The following SASH1 variants were observed in gnomAD, a reference collection of about 807,000 sequenced individuals.
The protein encoded by SASH1 is SAM and SH3 domain-containing protein 1.
A neutral mutation model predicts 125.2 loss-of-function variants in SASH1; 44 were observed. The observed-to-expected ratio is 0.35, with a 90% CI of 0.28 to 0.45. The LOEUF (loss-of-function observed/expected upper bound fraction) is 0.45. SASH1 is among the 20% of genes least tolerant of loss of function. The pLI, the probability that SASH1 is intolerant of heterozygous loss-of-function variation, is 1.00. For synonymous variants in SASH1, 639 were observed against 649.1 expected, an observed-to-expected ratio of 0.98 and a Z score of 0.24; for missense variants, 1,426 against 1,614.5, an observed-to-expected ratio of 0.88 and a Z score of 2.00.
chr6:148,516,453 A>G (rs1021439150), intron 9 of SASH1, among the ~76,000 whole-genome samples: 1 of 152,000 alleles, frequency 6.6e-6, no homozygotes, highest in African/African-American at 2.4e-5. Context: ...GCCCCTGTCC[A>G]TCTTGCAGAG....
chr6:148,262,813 G>C, the SASH1 span, among the ~76,000 whole-genome samples: 1 of 152,168 alleles, frequency 6.6e-6, no homozygotes, highest in Admixed American at 6.5e-5. Flanking sequence ...AACCCGGGAG[G>C]GGGAGGTTGC....
At chr6:148,344,725 A>G (rs1196422576) in intron 1 of SASH1, among the ~76,000 whole-genome samples, 4 of 151,098 alleles carry the variant, frequency 2.6e-5, no homozygotes, top group Non-Finnish European at 4.4e-5. Context: ...CCTAATGGAC[A>G]TTTTAAAGTT....
chr6:148,390,068 G>T, intron 1 of SASH1, 66 bp from the exon 2 acceptor site: 1 of 1,587,008 alleles, frequency 6.3e-7, no homozygotes, highest in South Asian at 1.1e-5. Context: ...GTAGAGGGAG[G>T]TCCGATGGCT....
intron 1 of SASH1, among the ~76,000 whole-genome samples, chr6:148,302,031 A>G (rs890846742): frequency 6.6e-6 from 1 of 151,496 alleles, no homozygotes; most frequent in Non-Finnish European, 1.5e-5. Context: ...GAAGCTAGTA[A>G]TAGGCCGGGC....
intron 2 of SASH1, among the ~76,000 whole-genome samples, chr6:148,436,984 G>C (rs760777256): frequency 2.0e-5 from 3 of 152,136 alleles, no homozygotes; most frequent in Non-Finnish European, 4.4e-5. Flanking sequence ...TGATTGTTTT[G>C]ATGAGGTTCA....
upstream of SASH1, among the ~76,000 whole-genome samples, chr6:148,267,370 T>C (rs568798704): frequency 6.8e-6 from 1 of 146,798 alleles, no homozygotes; most frequent in South Asian, 2.3e-4. Context: ...CTACTTTGTG[T>C]GTGTGTGTGT....
chr6:148,530,603 G>A (rs903213815), intron 12 of SASH1, among the ~76,000 whole-genome samples: 4 of 152,164 alleles, frequency 2.6e-5, no homozygotes, highest in African/African-American at 7.2e-5. Flanking sequence ...CTGATGACTC[G>A]GCAGCATGCA....
Position 148,273,298 on chromosome 6 carries a change from T to TTC in SASH1, n.74+922_74+923insCT, listed in dbSNP as rs1469739544. Among the ~76,000 whole-genome samples the TTC allele has an allele frequency of 5.7e-3, 839 of 146,066 alleles. 5 individuals carry two copies. Among genetic ancestry groups the TTC allele is most frequent in the Non-Finnish European group, 8.0e-3 (529 of 66,024 alleles). On this transcript the variant is annotated intron_variant and non_coding_transcript_variant, in intron 1 of 3. Coordinates refer to the SASH1 transcript ENST00000367469. ...CTTTTTTAAATTTTTCTTTCTTTCT[T>TTC]TTTTTTTTTTTTTGAGACAGAGTCT...
intron 1 of SASH1, among the ~76,000 whole-genome samples, chr6:148,329,506 C>A (rs551545770): frequency 5.9e-5 from 9 of 152,320 alleles, no homozygotes; most frequent in African/African-American, 2.2e-4. Context: ...ATGTGAGAAA[C>A]TCATTGAAGA....
intron 7 of SASH1, among the ~76,000 whole-genome samples, chr6:148,476,659 G>A (rs1017463540): frequency 2.0e-5 from 3 of 152,082 alleles, no homozygotes; most frequent in Admixed American, 6.6e-5. Context: ...CAACGTGGGC[G>A]AGAGTGAGAA....
intron 8 of SASH1, among the ~76,000 whole-genome samples, chr6:148,504,547 A>G (rs553278854): frequency 7.9e-5 from 12 of 152,072 alleles, no homozygotes; most frequent in Admixed American, 2.0e-4. Flanking sequence ...CACAAAGTCT[A>G]TCTCCCAATC....
At chr6:148,396,751 C>T (rs1041274099) in intron 2 of SASH1, among the ~76,000 whole-genome samples, 1 of 152,134 alleles carries the variant, frequency 6.6e-6, no homozygotes, top group African/African-American at 2.4e-5. Flanking sequence ...TGGAAAGAGG[C>T]TGAGGGAGTC....
chr6:148,327,037 G>A (rs1156847090), intron 1 of SASH1, among the ~76,000 whole-genome samples: 3 of 152,018 alleles, frequency 2.0e-5, no homozygotes, highest in Non-Finnish European at 4.4e-5. Flanking sequence ...CCCTTTGTAA[G>A]GGGTTCAACC....
intron 8 of SASH1, among the ~76,000 whole-genome samples, chr6:148,491,419 G>A (rs1440508103): frequency 4.6e-5 from 7 of 152,064 alleles, no homozygotes; most frequent in Non-Finnish European, 7.4e-5. Flanking sequence ...ATAGGCATGC[G>A]CCACGACGCC....
chr6:148,315,100 T>G (rs10457830), intron 1 of SASH1, among the ~76,000 whole-genome samples: 42,752 of 151,992 alleles, frequency 0.28, 6,232 homozygotes, highest in African/African-American at 0.38. Context: ...CTGCAAGCAT[T>G]TAAGGGATTA....
intron 2 of SASH1, among the ~76,000 whole-genome samples, chr6:148,414,555 A>C (rs924746942): frequency 1.3e-5 from 2 of 152,330 alleles, no homozygotes; most frequent in South Asian, 4.2e-4. Context: ...AGTTTATCCA[A>C]CACATACTTA....
At chr6:148,298,672 A>G (rs1189974927) in intron 1 of SASH1, among the ~76,000 whole-genome samples, 1 of 44,610 alleles carries the variant, frequency 2.2e-5, no homozygotes, top group Non-Finnish European at 5.0e-5. Flanking sequence ...GGAGGGAGGA[A>G]GGAAGGAAGG....
Position 148,529,937 on chromosome 6 carries a change from G to A in SASH1, c.1429-1589G>A, listed in dbSNP as rs1328862526. On this transcript the variant is annotated intron_variant, in intron 12 of 19. Transcript: ENST00000367467. The surrounding 1 kb of genome is among the most constrained non-coding windows in gnomAD (Gnocchi z 4.2). ...TTCTCCCACCTCAGCCTCTTGAGTA[G>A]CTGGGACTACAGGCACGTGCCACCA... Among the ~76,000 whole-genome samples, 5 of 152,004 alleles carry A rather than the reference G, an allele frequency of 3.3e-5. No homozygotes were observed. The highest frequency in any genetic ancestry group is 7.4e-5 in the Non-Finnish European group (5 of 68,000).
At position 148,535,005 on chromosome 6, in the gene SASH1, C is replaced by T. The variant is rs531002947; in HGVS notation, c.2095+104C>T. 55 of 1,221,840 alleles carry T rather than the reference C, an allele frequency of 4.5e-5. No homozygotes were observed. The East Asian group carries it at 9.6e-4, about 21-fold the overall frequency. The allele number at this position is 1,221,840 out of a possible 1,614,324, so 75.7% of individuals were successfully genotyped here. The stretch of plus-strand genomic sequence containing the variant: ...AGGTCCCTGGAGTCACTTATTCTGT[C>T]CTGTTCTTTCTGTTACAAGAGTATG... On this transcript the variant is annotated intron_variant, in intron 16 of 19. Transcript: ENST00000367467.
Sources: gnomAD v4.1 joint callset for allele counts (sites outside exome capture counted in the v4.1 genomes callset) on GRCh38, gnomAD v4.1.1 for gene constraint, Gnocchi (gnomAD v3.1) non-coding constraint, MANE v1.5 for transcripts, NCBI Gene and HGNC (gene_info 2026-07-23, HGNC 2026-07-21) for gene names.